DCLK1: variants seen among roughly 807,000 people sequenced by gnomAD.
DCLK1 encodes serine/threonine-protein kinase DCLK1.
Under a neutral mutation model 86.2 loss-of-function variants are expected in DCLK1, and 16 were observed. The ratio of observed to expected loss-of-function variants is 0.19; its 90% CI spans 0.13 to 0.28. The LOEUF is 0.28. Among genes scored for constraint, DCLK1 ranks in the 10% least tolerant of loss-of-function variants. DCLK1 has a pLI of 1.00. For synonymous variants in DCLK1, 369 were observed against 370.5 expected (o/e 1.00, Z 0.05); for missense variants, 590 against 940.2 (o/e 0.63, Z 4.87).
chr13:35,847,623 AAAAGAAAGAAAGAAAGAAAGAAAG>A, intron 6 of DCLK1: 1 of 649,866 alleles, frequency 1.5e-6, no homozygotes, highest in Non-Finnish European at 1.9e-6. Flanking sequence ...TTAAGCAAAA[AAAAGAAAGAAAGAAAGAAAGAAAG>A]AAAGAAAGAA....
chr13:35,873,852 A>T (rs1240685567), intron 4 of DCLK1, among the ~76,000 whole-genome samples: 1 of 152,110 alleles, frequency 6.6e-6, no homozygotes, highest in African/African-American at 2.4e-5. Flanking sequence ...TTTTTCCCAC[A>T]CGCATATTAG....
chr13:35,806,961 G>A (rs2087040175), intron 14 of DCLK1, among the ~76,000 whole-genome samples: 1 of 152,202 alleles, frequency 6.6e-6, no homozygotes, highest in African/African-American at 2.4e-5. Flanking sequence ...TGTCTGAGGG[G>A]TTGGCTTTTA....
chr13:35,821,917 C>A (rs1566550508), intron 11 of DCLK1, among the ~76,000 whole-genome samples: 1 of 151,768 alleles, frequency 6.6e-6, no homozygotes, highest in African/African-American at 2.4e-5. Context: ...GAAAAGCAAA[C>A]CAAATAGTGT....
At chr13:36,053,096 A>G (rs1883183665) in intron 3 of DCLK1, among the ~76,000 whole-genome samples, 1 of 152,192 alleles carries the variant, frequency 6.6e-6, no homozygotes, top group African/African-American at 2.4e-5. Flanking sequence ...TAGAGAGTGC[A>G]TTCCAATTAC....
At chr13:35,902,931 C>A (rs1292983559) in intron 4 of DCLK1, among the ~76,000 whole-genome samples, 3 of 151,830 alleles carry the variant, frequency 2.0e-5, no homozygotes, top group African/African-American at 7.3e-5. Context: ...CAAGAAAATT[C>A]TTTTATCATT....
chr13:36,082,144 C>A (rs1010163804), intron 3 of DCLK1, among the ~76,000 whole-genome samples: 1 of 152,030 alleles, frequency 6.6e-6, no homozygotes, highest in Non-Finnish European at 1.5e-5. Context: ...CTCCTGCCTC[C>A]CCTTTCACCT....
At chr13:36,013,459 A>C (rs1881378815) in intron 3 of DCLK1, among the ~76,000 whole-genome samples, 1 of 152,108 alleles carries the variant, frequency 6.6e-6, no homozygotes, top group African/African-American at 2.4e-5. Flanking sequence ...CAGGACCCTC[A>C]GCTGCAGGTC....
At chr13:35,973,419 C>G (rs751950177) in intron 3 of DCLK1, among the ~76,000 whole-genome samples, 2 of 152,186 alleles carry the variant, frequency 1.3e-5, no homozygotes, top group Non-Finnish European at 2.9e-5. Context: ...CCCTGCACCT[C>G]GCACCTCGGT....
At chr13:36,055,241 A>G (rs1421627987) in intron 3 of DCLK1, among the ~76,000 whole-genome samples, 12 of 152,170 alleles carry the variant, frequency 7.9e-5, no homozygotes, top group East Asian at 1.9e-4. Flanking sequence ...TTTTCGACAT[A>G]CCAACCTGGA....
chr13:35,837,256 A>G (rs915909898), intron 7 of DCLK1, among the ~76,000 whole-genome samples: 1 of 152,242 alleles, frequency 6.6e-6, no homozygotes, highest in African/African-American at 2.4e-5. Context: ...GTTGGCATCA[A>G]TCTGAATTCT....
At chr13:35,875,207 A>G (rs1283730355) in intron 4 of DCLK1, among the ~76,000 whole-genome samples, 1 of 152,244 alleles carries the variant, frequency 6.6e-6, no homozygotes, top group Non-Finnish European at 1.5e-5. Context: ...GATGATCATG[A>G]GGGCAGATGA....
At chr13:35,819,545 G>C (rs753301514) in intron 11 of DCLK1, among the ~76,000 whole-genome samples, 1 of 152,112 alleles carries the variant, frequency 6.6e-6, no homozygotes, top group Non-Finnish European at 1.5e-5. Flanking sequence ...CAAAAATCTT[G>C]TTGTCAGTCT....
At chr13:36,093,744 G>C (rs1212456213) in intron 3 of DCLK1, among the ~76,000 whole-genome samples, 1 of 151,438 alleles carries the variant, frequency 6.6e-6, no homozygotes, top group African/African-American at 2.4e-5. Context: ...GAATAATTTT[G>C]ACATTTTTTA....
chr13:35,947,045 G>A (rs1877422483), intron 4 of DCLK1, among the ~76,000 whole-genome samples: 1 of 151,318 alleles, frequency 6.6e-6, no homozygotes, highest in Admixed American at 6.6e-5. Context: ...GCTAAAAACC[G>A]TGAAAAAAAA....
intron 16 of DCLK1, among the ~76,000 whole-genome samples, chr13:35,792,660 T>C (rs942382199): frequency 6.6e-6 from 1 of 152,200 alleles, no homozygotes; most frequent in East Asian, 1.9e-4. Flanking sequence ...CTCCAGAATA[T>C]GACACCAGGA....
intron 11 of DCLK1, among the ~76,000 whole-genome samples, chr13:35,813,571 T>A (rs1301330174): frequency 2.0e-5 from 3 of 152,072 alleles, no homozygotes; most frequent in Non-Finnish European, 4.4e-5. Flanking sequence ...AAAATCTTCC[T>A]TAAAATAAAG....
intron 3 of DCLK1, among the ~76,000 whole-genome samples, chr13:35,990,796 G>GA (rs572529098): frequency 0.45 from 68,951 of 151,724 alleles, 16,072 homozygotes; most frequent in Admixed American, 0.51. Flanking sequence ...CCAACGTGGG[G>GA]ATTTTTTTTT....
intron 4 of DCLK1, among the ~76,000 whole-genome samples, chr13:35,888,202 A>T (rs6650456): frequency 3.3e-5 from 5 of 152,140 alleles, no homozygotes; most frequent in African/African-American, 1.2e-4. Flanking sequence ...TTTAATGAGA[A>T]GTATCCTTCC....
intron 2 of DCLK1, among the ~76,000 whole-genome samples, chr13:36,117,232 TATA>T (rs1885822462): frequency 6.6e-6 from 1 of 152,154 alleles, no homozygotes; most frequent in Non-Finnish European, 1.5e-5. Context: ...TATTTCTTAT[TATA>T]ATAAGCATGG....
Sources: gnomAD v4.1 joint callset for allele counts (sites outside exome capture counted in the v4.1 genomes callset) on GRCh38, gnomAD v4.1.1 for gene constraint, MANE v1.5 for transcripts, NCBI Gene and HGNC (gene_info 2026-07-23, HGNC 2026-07-21) for gene names.